The following DST variants were observed in gnomAD, a reference collection of about 807,000 sequenced individuals.
The protein encoded by DST is dystonin.
Under a neutral mutation model 875.2 loss-of-function variants are expected in DST, and 253 were observed. The observed-to-expected ratio is 0.29, with a 90% confidence interval of 0.26 to 0.32. The LOEUF is 0.32. Ranked by LOEUF, DST falls within the 10% of genes least tolerant of loss-of-function variation. The pLI is 1.00. For synonymous variants in DST, 3,124 were observed against 3,197.1 expected, an observed-to-expected ratio of 0.98 and a Z score of 0.77; for missense variants, 8,287 against 9,111.6, an observed-to-expected ratio of 0.91 and a Z score of 3.68.
At chr6:56,653,748 C>A (rs1427404693) in intron 10 of DST, among the ~76,000 whole-genome samples, 1 of 152,144 alleles carries the variant, frequency 6.6e-6, no homozygotes, top group Admixed American at 6.5e-5. Flanking sequence ...TGCTATTCCT[C>A]CCTTAGCTCA....
At chr6:56,514,571 A>T (rs1170133686) in intron 72 of DST, among the ~76,000 whole-genome samples, 1 of 130,488 alleles carries the variant, frequency 7.7e-6, no homozygotes, top group Non-Finnish European at 1.6e-5. Context: ...TCTTGGGCAC[A>T]GGCGTATACA....
chr6:56,499,805 T>C (rs1193153947), intron 80 of DST, among the ~76,000 whole-genome samples: 1 of 152,114 alleles, frequency 6.6e-6, no homozygotes, highest in Non-Finnish European at 1.5e-5. Flanking sequence ...TTAAGACAGT[T>C]GATAGGTTTA....
chr6:56,844,830 C>T (rs2099805321), intron 4 of DST, among the ~76,000 whole-genome samples: 1 of 149,362 alleles, frequency 6.7e-6, no homozygotes, highest in South Asian at 2.1e-4. Flanking sequence ...CGAGATCACG[C>T]CACCGTATTC....
intron 3 of DST, among the ~76,000 whole-genome samples, chr6:56,859,191 G>A (rs1769663735): frequency 6.6e-6 from 1 of 152,182 alleles, no homozygotes. Context: ...ACTGCTTTGT[G>A]TATAGTGAGC....
chr6:56,472,001 G>T, intron 94 of DST, 58 bp downstream of exon 94: 1 of 1,552,898 alleles, frequency 6.4e-7, no homozygotes, highest in Non-Finnish European at 8.9e-7. Flanking sequence ...CAATGGCAAT[G>T]TGTTATGAGG....
At chr6:56,558,756 T>C (rs561395138) in intron 58 of DST, among the ~76,000 whole-genome samples, 8 of 152,280 alleles carry the variant, frequency 5.3e-5, no homozygotes, top group African/African-American at 1.7e-4. Flanking sequence ...CTTTGAAGGT[T>C]TGTACTCTGA....
intron 72 of DST, among the ~76,000 whole-genome samples, chr6:56,514,898 T>C (rs2096560578): frequency 6.6e-6 from 1 of 152,234 alleles, no homozygotes; most frequent in Non-Finnish European, 1.5e-5. Flanking sequence ...CCATTTACAC[T>C]TACAGGAACA....
At chr6:56,785,138 T>G (rs990618969) in intron 4 of DST, among the ~76,000 whole-genome samples, 1 of 152,198 alleles carries the variant, frequency 6.6e-6, no homozygotes, top group Non-Finnish European at 1.5e-5. Context: ...CTGCCCCTAC[T>G]GGGGGGTGCC....
chr6:56,718,182 G>A (rs1479254046), intron 5 of DST, among the ~76,000 whole-genome samples: 2 of 152,138 alleles, frequency 1.3e-5, no homozygotes, highest in African/African-American at 4.8e-5. Flanking sequence ...CTATGATCAT[G>A]CCACTGTACC....
intron 4 of DST, among the ~76,000 whole-genome samples, chr6:56,793,539 G>A (rs960448661): frequency 2.6e-5 from 4 of 152,068 alleles, no homozygotes; most frequent in African/African-American, 7.2e-5. Flanking sequence ...TAACAAAAGA[G>A]GTCCTAAGAC....
chr6:56,752,896 A>T (rs1049346532), intron 4 of DST, among the ~76,000 whole-genome samples: 7 of 152,052 alleles, frequency 4.6e-5, no homozygotes, highest in African/African-American at 1.4e-4. Flanking sequence ...GGTTCAAGCA[A>T]TTCTCCTGCC....
chr6:56,954,359 CTTAA>C (rs112460085), intron 1 of DST, 44 bp downstream of exon 1: 3 of 1,319,024 alleles, frequency 2.3e-6, no homozygotes, highest in Admixed American at 2.1e-5. Flanking sequence ...TCCAAATCGG[CTTAA>C]TTGTTCCTGG....
chr6:56,830,256 T>C (rs750784732), intron 4 of DST, among the ~76,000 whole-genome samples: 4 of 152,180 alleles, frequency 2.6e-5, no homozygotes, highest in Admixed American at 6.5e-5. Flanking sequence ...AAATGATATT[T>C]CATGGCATTA....
chr6:56,697,556 C>G lies in DST; in HGVS notation c.1047+2097G>C, dbSNP rs563270223. On this transcript the variant is annotated intron_variant, in intron 9 of 103. Coordinates refer to ENST00000680361, the MANE Select transcript of DST (RefSeq NM_001374736.1). ...TGGACGGAAAAAGGAAAGTGATGAA[C>G]AGAAACACATTTTTTTTTAAGCTCA... 2.6e-5 allele frequency among the ~76,000 whole-genome samples: 4 copies of G among 152,220 alleles called. No individual in the cohort carries two copies. The East Asian group carries it at 5.8e-4, about 22-fold the overall frequency.
At chr6:56,781,774 T>C (rs2099694545) in intron 4 of DST, among the ~76,000 whole-genome samples, 1 of 152,092 alleles carries the variant, frequency 6.6e-6, no homozygotes, top group African/African-American at 2.4e-5. Flanking sequence ...ATAGGAGTGG[T>C]GAGAGAGGGC....
intron 15 of DST, 125 bp from the exon 16 acceptor site, chr6:56,642,628 C>G: frequency 6.2e-7 from 1 of 1,614,102 alleles, no homozygotes. Flanking sequence ...ATACCTGTGT[C>G]CATCAAAGGA....
Position 56,645,920 on chromosome 6 carries a change from T to C in DST, c.1724A>G (p.Lys575Arg), listed in dbSNP as rs765567654. ...TCTCTCTAGCATGGCAATAATGAGT[T>C]TCCCCCACTCTTTTTCTATGTCATT... is the stretch of plus-strand genomic sequence containing the variant. ...HPNDIEKEWG[K>R]LIIAMLEREK... Residue 575 changes from lysine (K) to arginine (R), a missense_variant, in exon 15 of 104, where the codon AAA becomes AGA. By Grantham distance (26) the Lys-to-Arg change is conservative (BLOSUM62 2). Coordinates refer to ENST00000680361, the MANE Select transcript of DST (RefSeq NM_001374736.1). The C allele has an allele frequency of 6.2e-7, 1 of 1,613,834 alleles. No homozygotes were observed. The highest frequency in any genetic ancestry group is 1.1e-5 in the South Asian group (1 of 91,070).
intron 4 of DST, among the ~76,000 whole-genome samples, chr6:56,751,266 A>G (rs1433529164): frequency 6.6e-6 from 1 of 152,218 alleles, no homozygotes; most frequent in Non-Finnish European, 1.5e-5. Flanking sequence ...CCACAAAAAA[A>G]GATTACGCAT....
intron 82 of DST, 117 bp from the exon 83 acceptor site, chr6:56,494,297 C>T (rs1323833812): frequency 1.4e-5 from 12 of 888,132 alleles, no homozygotes; most frequent in Non-Finnish European, 2.0e-5. Context: ...TTTGCTCTCT[C>T]AGGGCAACCT....
Sources: allele counts gnomAD v4.1 joint callset (sites outside exome capture counted in the v4.1 genomes callset), GRCh38; gene constraint gnomAD v4.1.1; transcripts MANE v1.5; gene names NCBI Gene and HGNC (gene_info 2026-07-23, HGNC 2026-07-21).